Variants in PTPN4 observed in about 807,000 individuals in gnomAD.
The protein encoded by PTPN4 is protein tyrosine phosphatase non-receptor type 4.
Under a neutral mutation model 135.5 loss-of-function variants are expected in PTPN4, and 49 were observed. The ratio of observed to expected loss-of-function variants is 0.36; its 90% CI spans 0.29 to 0.46. The LOEUF is 0.46. Among genes scored for constraint, PTPN4 ranks in the 20% least tolerant of loss-of-function variants. The probability of loss-of-function intolerance (pLI) is 1.00; values close to 1 mark genes in which losing one functional copy is unlikely to be tolerated. For missense variants in PTPN4, 860 were observed against 1,101.0 expected (o/e 0.78, Z 3.10); for synonymous variants, 333 against 369.9 (o/e 0.90, Z 1.14).
At chr2:119,838,519 A>ATCT (rs1677330091) in intron 2 of PTPN4, among the ~76,000 whole-genome samples, 1 of 152,192 alleles carries the variant, frequency 6.6e-6, no homozygotes, top group African/African-American at 2.4e-5. Context: ...TTGTCTTAAC[A>ATCT]TATCTCTCCT....
intron 2 of PTPN4, among the ~76,000 whole-genome samples, chr2:119,831,441 C>T (rs1386082582): frequency 6.6e-6 from 1 of 152,030 alleles, no homozygotes; most frequent in Non-Finnish European, 1.5e-5. Flanking sequence ...ATTTTTTGTT[C>T]CAATGTCTAC....
At chr2:119,860,461 T>A (rs774249312) in intron 2 of PTPN4, among the ~76,000 whole-genome samples, 1 of 152,216 alleles carries the variant, frequency 6.6e-6, no homozygotes, top group Non-Finnish European at 1.5e-5. Context: ...TAGCCAACAC[T>A]TGGAATGCAG....
intron 15 of PTPN4, among the ~76,000 whole-genome samples, chr2:119,936,897 A>G (rs750596705): frequency 6.6e-5 from 10 of 152,202 alleles, no homozygotes; most frequent in Non-Finnish European, 1.3e-4. Flanking sequence ...ATATTACTGC[A>G]TTTGACATTC....
At chr2:119,940,260 C>G (rs1679041892) in intron 15 of PTPN4, among the ~76,000 whole-genome samples, 1 of 152,196 alleles carries the variant, frequency 6.6e-6, no homozygotes, top group Non-Finnish European at 1.5e-5. Flanking sequence ...GTGACATTTA[C>G]TTTGAAACAC....
chr2:119,814,898 A>G (rs889290212), intron 2 of PTPN4, among the ~76,000 whole-genome samples: 6 of 152,228 alleles, frequency 3.9e-5, no homozygotes, highest in African/African-American at 2.4e-5. Flanking sequence ...GTCCAATATT[A>G]TAGTGTATGA....
At chr2:119,976,895 C>T (rs1244786726) in intron 26 of PTPN4, 89 bp from the exon 27 acceptor site, 1 of 1,515,274 alleles carries the variant, frequency 6.6e-7, no homozygotes. Flanking sequence ...AGTAAGCAAG[C>T]CAAGTGAGAT....
chr2:119,833,371 T>A (rs1677246715), intron 2 of PTPN4, among the ~76,000 whole-genome samples: 1 of 152,182 alleles, frequency 6.6e-6, no homozygotes, highest in Admixed American at 6.5e-5. Flanking sequence ...TCTTGGTGTA[T>A]CTGCATGCCA....
Position 119,981,716 on chromosome 2 carries a change from A to G in PTPN4, c.*4646A>G, listed in dbSNP as rs1478824903. 6.6e-6 allele frequency: 1 copy of G among 152,092 alleles called. No homozygotes were observed. The highest frequency in any genetic ancestry group is 1.5e-5 in the Non-Finnish European group (1 of 67,970). The allele number at this position is 152,092 out of a possible 1,614,324, so 9.4% of individuals were successfully genotyped here. A position where few individuals can be genotyped will look rare whatever the true frequency, so the allele number is the denominator to read the frequency against. On this transcript the variant is annotated 3_prime_UTR_variant, in exon 27 of 27. Coordinates refer to ENST00000263708, the MANE Select transcript of PTPN4 (RefSeq NM_002830.4). ...CATTATATAGACTTCATTGATACTC[A>G]GCAATTACTACAGTGTGTCTTACAA...
chr2:119,903,057 CACCCAGGA>C (rs1678430200), intron 10 of PTPN4, among the ~76,000 whole-genome samples: 1 of 152,160 alleles, frequency 6.6e-6, no homozygotes, highest in Non-Finnish European at 1.5e-5. Context: ...GACTTAACTG[CACCCAGGA>C]TACAGCTAGG....
At chr2:119,891,953 T>C (rs980460222) in intron 9 of PTPN4, among the ~76,000 whole-genome samples, 2 of 152,330 alleles carry the variant, frequency 1.3e-5, no homozygotes, top group South Asian at 4.1e-4. Flanking sequence ...CCTGAAGATT[T>C]ATCTGTGGTT....
chr2:119,886,873 T>C (rs537915527), intron 9 of PTPN4, among the ~76,000 whole-genome samples: 2 of 152,326 alleles, frequency 1.3e-5, no homozygotes, highest in East Asian at 3.9e-4. Context: ...AAAGACCAGA[T>C]GAATTGCTTT....
At chr2:119,771,265 T>C (rs183884925) in intron 1 of PTPN4, among the ~76,000 whole-genome samples, 8 of 152,316 alleles carry the variant, frequency 5.3e-5, no homozygotes, top group South Asian at 4.1e-4. Context: ...TGATGCCAGA[T>C]GACATCCAGT....
In PTPN4 at chr2:119,862,640, C is replaced by T. The variant is rs921771124; in HGVS notation, c.243C>T (p.Asn81=). 1.9e-6 allele frequency: 3 copies of T among 1,600,480 alleles called. No individual in the cohort carries two copies. Among genetic ancestry groups the T allele is most frequent in the East Asian group, 2.2e-5 (1 of 44,738 alleles). The change falls in exon 3 of 27, where the codon AAC becomes AAT. Residue 81 remains asparagine, a synonymous_variant. Transcript: ENST00000263708. The part of the protein sequence containing the change: ...GLQLADDSTD[N]PRWLDPNKPI... ...AGTTGGCTGATGATTCCACAGATAA[C>T]CCAGTAAGTGTAAGATTTTGTCTTT...
intron 11 of PTPN4, among the ~76,000 whole-genome samples, chr2:119,919,023 T>G (rs1172205649): frequency 6.6e-6 from 1 of 152,216 alleles, no homozygotes. Flanking sequence ...CAAGCATGAC[T>G]ATTCTATGGT....
chr2:119,821,168 C>T (rs989398528), intron 2 of PTPN4, among the ~76,000 whole-genome samples: 1 of 149,202 alleles, frequency 6.7e-6, no homozygotes, highest in Admixed American at 6.7e-5. Flanking sequence ...TCTCGGTTCA[C>T]TGCAACCTCC....
At chr2:119,855,867 G>A (rs1023689432) in intron 2 of PTPN4, among the ~76,000 whole-genome samples, 2 of 151,918 alleles carry the variant, frequency 1.3e-5, no homozygotes, top group South Asian at 4.1e-4. Context: ...GCAGTGGCGC[G>A]ATCTCAGCTT....
chr2:119,816,043 ATG>A (rs1296667168), intron 2 of PTPN4, among the ~76,000 whole-genome samples: 5 of 152,184 alleles, frequency 3.3e-5, no homozygotes, highest in Non-Finnish European at 7.3e-5. Context: ...ATCCTGAGAA[ATG>A]TGTCGTTAGG....
chr2:119,844,878 G>A (rs1276941425), intron 2 of PTPN4, among the ~76,000 whole-genome samples: 1 of 151,210 alleles, frequency 6.6e-6, no homozygotes, highest in Non-Finnish European at 1.5e-5. Flanking sequence ...TGCAATCTCG[G>A]CACTTTGGGA....
intron 18 of PTPN4, among the ~76,000 whole-genome samples, chr2:119,946,837 C>T (rs1679141941): frequency 6.6e-6 from 1 of 151,888 alleles, no homozygotes; most frequent in Non-Finnish European, 1.5e-5. Flanking sequence ...AAAATAACCC[C>T]CTTAAAAAAC....
Sources: allele counts gnomAD v4.1 joint callset (sites outside exome capture counted in the v4.1 genomes callset), GRCh38; gene constraint gnomAD v4.1.1; transcripts MANE v1.5; gene names NCBI Gene and HGNC (gene_info 2026-07-23, HGNC 2026-07-21).